The following NPM1 variants were observed in gnomAD, a reference collection of about 807,000 sequenced individuals.
NPM1 encodes the protein nucleophosmin.
Under a neutral mutation model 44.1 loss-of-function variants are expected in NPM1, and 1 was observed. The ratio of observed to expected loss-of-function variants is 0.02; its 90% confidence interval spans 0.01 to 0.11. NPM1 has a LOEUF of 0.11. NPM1 is among the 10% of genes least tolerant of loss of function. NPM1 has a pLI of 1.00. For synonymous variants in NPM1, 126 were observed against 111.8 expected (o/e 1.13, Z -0.80); for missense variants, 197 against 347.8 (o/e 0.57, Z 3.45).
chr5:171,388,738 T>TA (rs2113148686), intron 1 of NPM1, among the ~76,000 whole-genome samples: 1 of 152,344 alleles, frequency 6.6e-6, no homozygotes, highest in East Asian at 1.9e-4. Context: ...GTTCAGTGCT[T>TA]ACAGCATGTA....
upstream of NPM1, chr5:171,387,763 G>A (rs1770300472): frequency 3.1e-6 from 2 of 635,474 alleles, no homozygotes. Context: ...GGGTGGGAGG[G>A]CTTCGGAGCA....
At chr5:171,387,562 A>C, upstream of NPM1, 1 of 228,322 alleles carries the variant, frequency 4.4e-6, no homozygotes, top group Non-Finnish European at 8.7e-6. Flanking sequence ...AGGACGTGGA[A>C]GGGTTGGAGG....
At chr5:171,403,013 A>G (rs1166643264) in intron 8 of NPM1, among the ~76,000 whole-genome samples, 2 of 84,322 alleles carry the variant, frequency 2.4e-5, no homozygotes, top group Admixed American at 1.2e-4. Context: ...TTTTTTTTTT[A>G]ATTTATTTTT....
chr5:171,406,086 A>G (rs770030444), intron 9 of NPM1, among the ~76,000 whole-genome samples: 1 of 152,156 alleles, frequency 6.6e-6, no homozygotes, highest in African/African-American at 2.4e-5. Flanking sequence ...CTTTAATTCT[A>G]TGAATAATAC....
At chr5:171,396,713 G>A (rs1581245963) in intron 6 of NPM1, among the ~76,000 whole-genome samples, 1 of 152,258 alleles carries the variant, frequency 6.6e-6, no homozygotes, top group East Asian at 1.9e-4. Flanking sequence ...CCTATTAACA[G>A]TTCACACCTG....
intron 4 of NPM1, among the ~76,000 whole-genome samples, chr5:171,392,097 G>T (rs984626793): frequency 6.6e-6 from 1 of 152,016 alleles, no homozygotes; most frequent in Non-Finnish European, 1.5e-5. Context: ...GCACCACCAA[G>T]TCCAGTTGCG....
rs1475796909 is a variant in NPM1 at position 171,387,879 on chromosome 5, T to A, written c.-70T>A. ...CCTGGTGTGATTCCGTCCTGCGCGG[T>A]TGTTCTCTGGAGCAGCGTTCTTTTA... On this transcript the variant is annotated 5_prime_UTR_variant, in exon 1 of 11. It adds an upstream start codon to the 5' untranslated region. Transcript: ENST00000296930. 2.1e-6 allele frequency: 3 copies of A among 1,433,514 alleles called. No homozygotes were observed. The highest frequency in any genetic ancestry group is 2.9e-6 in the Non-Finnish European group (3 of 1,018,764). 88.8% of individuals were successfully genotyped at this position (1,433,514 alleles called of 1,614,324 possible).
chr5:171,387,826 T>C (rs1051264869), upstream of NPM1: 67 of 907,752 alleles, frequency 7.4e-5, no homozygotes, highest in Non-Finnish European at 1.4e-5. Flanking sequence ...AGGGTCTATA[T>C]ATAAGCGCGG....
chr5:171,405,249 A>G (rs1249598457), intron 8 of NPM1, 53 bp from the exon 9 acceptor site: 6 of 862,650 alleles, frequency 7.0e-6, no homozygotes, highest in Non-Finnish European at 1.1e-5. Context: ...ATGGGTTTTA[A>G]TTAGGAATTG....
chr5:171,400,023 C>T (rs928118420), intron 6 of NPM1, 130 bp from the exon 7 acceptor site: 14 of 639,404 alleles, frequency 2.2e-5, no homozygotes, highest in Admixed American at 5.3e-5. Flanking sequence ...TTGCTTTCAC[C>T]TCTTGGCTGT....
chr5:171,407,837 C>T (rs1771651760), intron 10 of NPM1, 63 bp downstream of exon 10: 1 of 990,740 alleles, frequency 1.0e-6, no homozygotes. Context: ...TATGATTCTG[C>T]CTTTACCCTT....
chr5:171,388,281 C>G (rs887993108), intron 1 of NPM1, among the ~76,000 whole-genome samples: 7 of 152,144 alleles, frequency 4.6e-5, no homozygotes, highest in African/African-American at 1.7e-4. Context: ...GTGGAACCGG[C>G]CGCCTGGAAG....
intron 6 of NPM1, among the ~76,000 whole-genome samples, chr5:171,395,006 C>T (rs1268494634): frequency 3.3e-5 from 5 of 151,796 alleles, no homozygotes; most frequent in East Asian, 1.9e-4. Context: ...TGGTGAAACC[C>T]GGTATCTACT....
intron 6 of NPM1, 129 bp downstream of exon 6, chr5:171,393,107 T>C (rs1402507509): frequency 8.3e-7 from 1 of 1,209,372 alleles, no homozygotes; most frequent in African/African-American, 1.5e-5. Flanking sequence ...TAGTTTATAA[T>C]AAAAGGGCAG....
chr5:171,407,741 T>C lies in NPM1; in HGVS notation c.813T>C (p.Tyr271=), dbSNP rs373846371. ...AAGTGGAAGCCAAATTCATCAATTATGTGAAGAATTGCTTCCGGATGACTG... is the reference window on the plus strand; with the variant it reads ...AAGTGGAAGCCAAATTCATCAATTACGTGAAGAATTGCTTCCGGATGACTG... The part of the protein sequence containing the change: ...LPKVEAKFIN[Y]VKNCFRMTDQ... The change falls in exon 10 of 11, where the codon TAT becomes TAC. Residue 271 remains tyrosine, a synonymous_variant. Transcript: ENST00000296930. The C allele has an allele frequency of 5.6e-6, 9 of 1,611,522 alleles. No individual in the cohort carries two copies. The highest frequency in any genetic ancestry group is 5.0e-5 in the Admixed American group (3 of 59,940).
At chr5:171,398,151 C>G (rs1221133537) in intron 6 of NPM1, among the ~76,000 whole-genome samples, 1 of 150,264 alleles carries the variant, frequency 6.7e-6, no homozygotes, top group African/African-American at 2.5e-5. Context: ...AGATTATCTT[C>G]CACCATTCCG....
At position 171,407,804 on chromosome 5, in the gene NPM1, A is replaced by G. The variant is rs1467153977; in HGVS notation, c.846+30A>G. On this transcript the variant is annotated intron_variant, in intron 10 of 10. Coordinates refer to ENST00000296930, the MANE Select transcript of NPM1 (RefSeq NM_002520.7). ...CTGGATTTTCTGGGGACATGATTAA[A>G]TCCAAGTTTTTTTGTGATTTATTAT... The G allele has an allele frequency of 3.5e-6, 5 of 1,421,910 alleles. No homozygotes were observed. In the Admixed American group the frequency reaches 5.3e-5, roughly 15 times the overall value. The allele number at this position is 1,421,910 out of a possible 1,614,324, so 88.1% of individuals were successfully genotyped here. A position where few individuals can be genotyped will look rare whatever the true frequency, so the allele number is the denominator to read the frequency against.
intron 8 of NPM1, among the ~76,000 whole-genome samples, chr5:171,404,049 T>G (rs1771416439): frequency 1.9e-5 from 1 of 53,858 alleles, no homozygotes; most frequent in Non-Finnish European, 3.5e-5. Flanking sequence ...GAGGCAACCC[T>G]CACCTCCCGG....
At chr5:171,393,315 G>A (rs1025883884) in intron 6 of NPM1, among the ~76,000 whole-genome samples, 2 of 152,298 alleles carry the variant, frequency 1.3e-5, no homozygotes, top group African/African-American at 4.8e-5. Context: ...ATGGTGAGCA[G>A]TTAATGAGAT....
Sources: gnomAD v4.1 joint callset for allele counts (sites outside exome capture counted in the v4.1 genomes callset) on GRCh38, gnomAD v4.1.1 for gene constraint, MANE v1.5 for transcripts, NCBI Gene and HGNC (gene_info 2026-07-23, HGNC 2026-07-21) for gene names.